BMX: variants seen among roughly 807,000 people sequenced by gnomAD.
BMX encodes cytoplasmic tyrosine-protein kinase BMX.
BMX carries 31 observed loss-of-function variants against 59.2 expected under a neutral mutation model. That is an observed-to-expected ratio of 0.52 (90% CI 0.39 to 0.71). The LOEUF (loss-of-function observed/expected upper bound fraction) is 0.71, where lower values mean the gene tolerates loss of function less well. BMX is among the 30% of genes least tolerant of loss of function. The probability of loss-of-function intolerance (pLI) is 0.00; values close to 1 mark genes in which losing one functional copy is unlikely to be tolerated. For missense variants in BMX, 474 were observed against 491.7 expected, an observed-to-expected ratio of 0.96 and a Z score of 0.34; for synonymous variants, 185 against 181.0, an observed-to-expected ratio of 1.02 and a Z score of -0.18.
At chrX:15,533,936 G>A in intron 11 of BMX, among the ~76,000 whole-genome samples, 1 of 111,633 alleles carries the variant, frequency 9.0e-6, no homozygotes, top group Non-Finnish European at 1.9e-5. Flanking sequence ...CACTTACTAA[G>A]GGAGGAGAAG....
Position 15,556,370 on chromosome X carries a change from C to T in BMX, c.*223C>T. ...ATGCTGCTCCTGATATAACACTTTC[C>T]AGCCTATAGCAGAAGCACATTTTCA... On this transcript the variant is annotated 3_prime_UTR_variant, in exon 19 of 19. Coordinates refer to ENST00000348343, the MANE Select transcript of BMX (RefSeq NM_203281.3). 1 of 303,050 alleles carries T rather than the reference C, an allele frequency of 3.3e-6. No individual in the cohort carries two copies. The highest frequency in any genetic ancestry group is 9.8e-5 in the South Asian group (1 of 10,189). The allele number at this position is 303,050 out of a possible 1,213,427, so 25.0% of individuals were successfully genotyped here. A position where few individuals can be genotyped will look rare whatever the true frequency, so the allele number is the denominator to read the frequency against.
At chrX:15,534,537 A>G (rs1333016518) in intron 12 of BMX, among the ~76,000 whole-genome samples, 198 bp downstream of exon 12, 3 of 111,533 alleles carry the variant, frequency 2.7e-5, no homozygotes, top group African/African-American at 9.7e-5. Flanking sequence ...AATGCCAGAA[A>G]GAATGAAATT....
At chrX:15,556,027 A>T in intron 18 of BMX, 46 bp from the exon 19 acceptor site, 1 of 1,092,552 alleles carries the variant, frequency 9.2e-7, no homozygotes, top group Non-Finnish European at 1.2e-6. Flanking sequence ...CATTGATCAT[A>T]ACTCTCATCA....
chrX:15,520,533 A>T (rs1924395029), intron 6 of BMX, among the ~76,000 whole-genome samples: 1 of 111,944 alleles, frequency 8.9e-6, no homozygotes, highest in African/African-American at 3.3e-5. Context: ...GTTTGTTTTG[A>T]CAAGTCTAAG....
chrX:15,547,072 G>A, intron 17 of BMX, 151 bp downstream of exon 17: 1 of 438,136 alleles, frequency 2.3e-6, no homozygotes, highest in Admixed American at 4.3e-5. Context: ...TGTTGAAGAA[G>A]GTGATTTATT....
chrX:15,531,868 C>T (rs1925094566), intron 11 of BMX, among the ~76,000 whole-genome samples: 1 of 111,853 alleles, frequency 8.9e-6, no homozygotes, highest in Admixed American at 9.5e-5. Flanking sequence ...AGAAGGTTGA[C>T]TCAGTGCTGC....
chrX:15,554,188 T>C (rs2147148223), intron 18 of BMX, among the ~76,000 whole-genome samples: 1 of 112,471 alleles, frequency 8.9e-6, no homozygotes, highest in Non-Finnish European at 1.9e-5. Context: ...AAAAGTAGCA[T>C]ATGAACTTCT....
chrX:15,514,219 T>C (rs771555552), intron 4 of BMX, among the ~76,000 whole-genome samples: 1 of 112,053 alleles, frequency 8.9e-6, no homozygotes, highest in South Asian at 3.7e-4. Context: ...AATCAGAAAC[T>C]TACGTTTTAT....
chrX:15,526,147 T>A (rs369752913), intron 9 of BMX, 52 bp downstream of exon 9: 73 of 1,074,058 alleles, frequency 6.8e-5, no homozygotes, highest in Non-Finnish European at 9.3e-5. Context: ...TAGATACTTC[T>A]ACTCTCTTCC....
chrX:15,526,526 G>A (rs761850273), intron 9 of BMX, among the ~76,000 whole-genome samples: 1 of 110,472 alleles, frequency 9.1e-6, no homozygotes, highest in East Asian at 2.8e-4. Context: ...GCACAAATGA[G>A]ACCTTGAACA....
At chrX:15,515,983 C>T in intron 4 of BMX, 129 bp from the exon 5 acceptor site, 1 of 895,498 alleles carries the variant, frequency 1.1e-6, no homozygotes, top group Admixed American at 2.6e-5. Context: ...CTTCCGGAAC[C>T]ATTTGCTCTT....
chrX:15,542,076 T>A lies in BMX; in HGVS notation c.1489T>A (p.Leu497Met), dbSNP rs764139510. 8.3e-7 allele frequency: 1 copy of A among 1,211,421 alleles called. No homozygotes were observed. The highest frequency in any genetic ancestry group is 1.1e-6 in the Non-Finnish European group (1 of 895,103). Residue 497 changes from leucine (L) to methionine (M), a missense_variant, in exon 15 of 19, where the codon TTG becomes ATG. By Grantham distance (15) the Leu-to-Met change is conservative. Transcript: ENST00000348343. ...IVTEYISNGC[L>M]LNYLRSHGKG... Reference sequence around the variant, plus strand: ...GACTGAATATATAAGCAATGGCTGCTTGCTGAATTACCTGAGGAGTCACGG... The same window carrying A: ...GACTGAATATATAAGCAATGGCTGCATGCTGAATTACCTGAGGAGTCACGG...
intron 13 of BMX, 90 bp downstream of exon 13, chrX:15,536,517 AGGAGG>A: frequency 4.3e-6 from 3 of 695,569 alleles, no homozygotes; most frequent in Non-Finnish European, 6.2e-6. Context: ...AAAAAAAAAA[AGGAGG>A]AAAGACAGGA....
intron 1 of BMX, chrX:15,507,235 G>A: frequency 1.8e-6 from 1 of 557,425 alleles, no homozygotes; most frequent in South Asian, 9.3e-5. Flanking sequence ...GCCTGTGTGG[G>A]TGCTTCCTGA....
At position 15,556,149 on chromosome X, in the gene BMX, GA is replaced by G; in HGVS notation, c.*4del. 8.3e-7 allele frequency: 1 copy of G among 1,201,937 alleles called. No individual in the cohort carries two copies. The highest frequency in any genetic ancestry group is 1.1e-6 in the Non-Finnish European group (1 of 890,053). On this transcript the variant is annotated 3_prime_UTR_variant, in exon 19 of 19. Coordinates refer to ENST00000348343, the MANE Select transcript of BMX (RefSeq NM_203281.3). ...CTTCGGGAAAAAGACAAGCATTGAAGAAGAAATTAGGAGTGCTGATAAGAAT... is the reference window on the plus strand; with the variant it reads ...CTTCGGGAAAAAGACAAGCATTGAAGAGAAATTAGGAGTGCTGATAAGAAT...
At chrX:15,505,893 A>G (rs768305680) in intron 1 of BMX, among the ~76,000 whole-genome samples, 1 of 111,679 alleles carries the variant, frequency 9.0e-6, no homozygotes, top group South Asian at 3.8e-4. Flanking sequence ...TGATGCACAT[A>G]AAAGTTTTAT....
Position 15,549,925 on chromosome X carries a change from G to A in BMX, c.1881G>A (p.Gln627=). 8.3e-7 allele frequency: 1 copy of A among 1,210,257 alleles called. No homozygotes were observed. Among genetic ancestry groups the A allele is most frequent in the Non-Finnish European group, 1.1e-6 (1 of 894,812 alleles). The change falls in exon 18 of 19, where the codon CAG becomes CAA. Residue 627 remains glutamine (Q), a synonymous_variant. Transcript: ENST00000348343. ...DNSQVVLKVS[Q]GHRLYRPHLA... is the part of the protein sequence containing the mutation. ...CCCAGGTGGTTCTGAAGGTCTCCCA[G>A]GGCCACAGGCTTTACCGGCCCCACC... is the stretch of plus-strand genomic sequence containing the variant.
chrX:15,504,325 A>G (rs1923667401), intron 1 of BMX, among the ~76,000 whole-genome samples: 1 of 111,901 alleles, frequency 8.9e-6, no homozygotes, highest in Admixed American at 9.5e-5. Context: ...TACCTATCTC[A>G]ATTTACAGAT....
chrX:15,518,513 G>A (rs185373126), intron 6 of BMX, among the ~76,000 whole-genome samples: 1 of 111,843 alleles, frequency 8.9e-6, no homozygotes, highest in East Asian at 2.8e-4. Flanking sequence ...CCATAGTTTT[G>A]CAGTCATTCT....
Sources: allele counts gnomAD v4.1 joint callset (sites outside exome capture counted in the v4.1 genomes callset), GRCh38; gene constraint gnomAD v4.1.1; transcripts MANE v1.5; gene names NCBI Gene and HGNC (gene_info 2026-07-23, HGNC 2026-07-21).